ARFGEF1: variants seen among roughly 807,000 people sequenced by gnomAD.
ARFGEF1 encodes the protein ARF guanine nucleotide exchange factor 1.
ARFGEF1 carries 42 observed loss-of-function variants against 231.0 expected under a neutral mutation model. The ratio of observed to expected loss-of-function variants is 0.18; its 90% CI spans 0.14 to 0.24. The LOEUF is 0.24. ARFGEF1 is among the 10% of genes least tolerant of loss of function. The pLI, the probability that ARFGEF1 is intolerant of heterozygous loss-of-function variation, is 1.00. For missense variants in ARFGEF1, 1,345 were observed against 2,192.0 expected (o/e 0.61, Z 7.72); for synonymous variants, 710 against 732.3 (o/e 0.97, Z 0.49).
chr8:67,225,100 C>A, intron 28 of ARFGEF1, 67 bp from the exon 29 acceptor site: 1 of 1,335,810 alleles, frequency 7.5e-7, no homozygotes, highest in Admixed American at 2.7e-5. Context: ...ATACTAACTT[C>A]TCAAAAAATA....
intron 17 of ARFGEF1, among the ~76,000 whole-genome samples, chr8:67,254,239 T>G (rs77804941): frequency 0.022 from 3,394 of 152,304 alleles, 77 homozygotes; most frequent in South Asian, 0.047. Flanking sequence ...TTGGAGTCTG[T>G]AAGACGGTAA....
intron 2 of ARFGEF1, among the ~76,000 whole-genome samples, chr8:67,302,005 G>A (rs922765245): frequency 4.6e-5 from 7 of 151,932 alleles, no homozygotes; most frequent in African/African-American, 7.3e-5. Flanking sequence ...TCAGGAGTTC[G>A]AGACCAGCCT....
At chr8:67,315,372 T>C (rs34132973) in intron 1 of ARFGEF1, among the ~76,000 whole-genome samples, 44,234 of 152,002 alleles carry the variant, frequency 0.29, 6,571 homozygotes, top group East Asian at 0.38. Context: ...TCACTAAGGA[T>C]ACAGAACTGA....
At chr8:67,315,310 C>T (rs941263117) in intron 1 of ARFGEF1, among the ~76,000 whole-genome samples, 3 of 152,098 alleles carry the variant, frequency 2.0e-5, no homozygotes, top group African/African-American at 7.2e-5. Flanking sequence ...GCTATTTTAG[C>T]TGAAGAAGTA....
chr8:67,332,982 ACACT>A (rs745498673), intron 1 of ARFGEF1, among the ~76,000 whole-genome samples: 2 of 152,260 alleles, frequency 1.3e-5, no homozygotes, highest in South Asian at 2.1e-4. Flanking sequence ...CATACAGTAA[ACACT>A]CAATAAATGT....
chr8:67,240,139 A>G (rs1454312366), intron 20 of ARFGEF1, 23 bp downstream of exon 20: 2 of 1,605,312 alleles, frequency 1.2e-6, no homozygotes. Flanking sequence ...CAAACTGGCT[A>G]CAAAGACAAA....
At chr8:67,329,161 G>T (rs889011118) in intron 1 of ARFGEF1, among the ~76,000 whole-genome samples, 3 of 152,124 alleles carry the variant, frequency 2.0e-5, no homozygotes, top group Admixed American at 2.0e-4. Context: ...GAGAGGCGGA[G>T]ATGGCCGTGA....
intron 17 of ARFGEF1, among the ~76,000 whole-genome samples, chr8:67,254,138 G>T (rs959101385): frequency 6.6e-6 from 1 of 152,190 alleles, no homozygotes; most frequent in Admixed American, 6.5e-5. Context: ...CAGGTGATCT[G>T]TACAAAGTAT....
At chr8:67,244,082 A>G (rs1245939669) in intron 19 of ARFGEF1, among the ~76,000 whole-genome samples, 1 of 151,448 alleles carries the variant, frequency 6.6e-6, no homozygotes, top group Non-Finnish European at 1.5e-5. Flanking sequence ...CTCTACTAAA[A>G]ATACAAAAAA....
chr8:67,203,951 A>G (rs939846743), intron 35 of ARFGEF1, among the ~76,000 whole-genome samples: 7 of 152,058 alleles, frequency 4.6e-5, no homozygotes, highest in African/African-American at 1.7e-4. Context: ...ATGAGGTACT[A>G]TCTCCACTCA....
At chr8:67,194,947 GTTGAAGAGTATTCCCCAAACC>G (rs1837528645), downstream of ARFGEF1, among the ~76,000 whole-genome samples, 1 of 152,076 alleles carries the variant, frequency 6.6e-6, no homozygotes, top group Non-Finnish European at 1.5e-5. Flanking sequence ...AGTGTTGTAG[GTTGAAGAGTATTCCCCAAACC>G]TTGCTTTAAA....
chr8:67,313,575 G>A (rs1035471564), intron 1 of ARFGEF1, among the ~76,000 whole-genome samples: 18 of 152,160 alleles, frequency 1.2e-4, no homozygotes, highest in African/African-American at 4.3e-4. Flanking sequence ...GCCACCCAGC[G>A]AGTCTACCCA....
At chr8:67,258,685 T>A (rs1246526239) in intron 15 of ARFGEF1, among the ~76,000 whole-genome samples, 1 of 152,206 alleles carries the variant, frequency 6.6e-6, no homozygotes, top group Non-Finnish European at 1.5e-5. Flanking sequence ...GCAGAAAATT[T>A]TGTTAAGATC....
rs1227331833 is a variant in ARFGEF1 at position 67,222,200 on chromosome 8, TATATAC to T, written c.4209-2646_4209-2641del. On this transcript the variant is annotated intron_variant, in intron 29 of 38. Transcript: ENST00000262215. The stretch of plus-strand genomic sequence containing the variant: ...ATATACACATATATATATATATATA[TATATAC>T]ACACACATATATATATATGTATATG... 1.5e-3 allele frequency among the ~76,000 whole-genome samples: 203 copies of T among 137,350 alleles called. 2 individuals carry two copies. Among genetic ancestry groups the T allele is most frequent in the African/African-American group, 3.6e-3 (126 of 34,564 alleles). 90.1% of individuals were successfully genotyped at this position (137,350 alleles called of 152,430 possible).
At chr8:67,266,756 T>C (rs1408133435) in intron 13 of ARFGEF1, 120 bp downstream of exon 13, 2 of 657,164 alleles carry the variant, frequency 3.0e-6, no homozygotes, top group East Asian at 5.7e-5. Flanking sequence ...CAGAGAATGT[T>C]TCCTCATCAG....
intron 34 of ARFGEF1, chr8:67,207,266 C>T (rs910357061): frequency 1.3e-5 from 2 of 152,188 alleles, no homozygotes; most frequent in African/African-American, 4.8e-5. Flanking sequence ...ATGGACTTAG[C>T]AGTAGATGGA....
intron 1 of ARFGEF1, among the ~76,000 whole-genome samples, chr8:67,337,307 T>C (rs1352758157): frequency 6.6e-6 from 1 of 152,170 alleles, no homozygotes; most frequent in East Asian, 1.9e-4. Flanking sequence ...AAAGGCTTTT[T>C]CTATCCTAGT....
In ARFGEF1 at chr8:67,336,236, C is replaced by T. The variant is rs563989519; in HGVS notation, c.124+6928G>A. Among the ~76,000 whole-genome samples the T allele has an allele frequency of 1.6e-3, 242 of 152,314 alleles. 1 individual carries two copies. Among genetic ancestry groups the T allele is most frequent in the African/African-American group, 5.1e-3 (214 of 41,570 alleles). On this transcript the variant is annotated intron_variant, in intron 1 of 38. Transcript: ENST00000262215. ...GCTTTTCAAGAGCCTCTACTTATAA[C>T]ACACTAAAGCCTCAGAATAACTGCT...
intron 15 of ARFGEF1, among the ~76,000 whole-genome samples, chr8:67,259,105 C>T (rs940995385): frequency 2.6e-5 from 4 of 152,144 alleles, no homozygotes; most frequent in Admixed American, 2.0e-4. Context: ...GATGCAATTA[C>T]CCATTATTTC....
Sources: gnomAD v4.1 joint callset for allele counts (sites outside exome capture counted in the v4.1 genomes callset) on GRCh38, gnomAD v4.1.1 for gene constraint, MANE v1.5 for transcripts, NCBI Gene and HGNC (gene_info 2026-07-23, HGNC 2026-07-21) for gene names.